The following MCM9 variants were observed in gnomAD, a reference collection of about 807,000 sequenced individuals.
MCM9 encodes minichromosome maintenance 9 homologous recombination repair factor.
MCM9 carries 55 observed loss-of-function variants against 72.8 expected under a neutral mutation model. That is an observed-to-expected ratio of 0.76 (90% CI 0.61 to 0.95). The LOEUF (loss-of-function observed/expected upper bound fraction) is 0.95. Ranked by LOEUF, MCM9 falls within the 40% of genes least tolerant of loss-of-function variation. MCM9 has a pLI of 0.00. For missense variants in MCM9, 1,279 were observed against 1,377.0 expected, an observed-to-expected ratio of 0.93 and a Z score of 1.13; for synonymous variants, 480 against 503.4, an observed-to-expected ratio of 0.95 and a Z score of 0.62.
intron 9 of MCM9, among the ~76,000 whole-genome samples, chr6:118,855,451 C>T (rs767852702): frequency 2.0e-5 from 3 of 152,040 alleles, no homozygotes; most frequent in Admixed American, 6.6e-5. Flanking sequence ...ATTTAGTGAA[C>T]GAACAAATGA....
chr6:118,854,304 G>C (rs1191270222), intron 9 of MCM9, among the ~76,000 whole-genome samples: 26 of 152,126 alleles, frequency 1.7e-4, no homozygotes, highest in Admixed American at 1.7e-3. Flanking sequence ...CTAATCTTAA[G>C]TGGAAAACAC....
intron 8 of MCM9, among the ~76,000 whole-genome samples, chr6:118,901,324 C>T (rs1779786577): frequency 6.6e-6 from 1 of 152,148 alleles, no homozygotes; most frequent in African/African-American, 2.4e-5. Flanking sequence ...GGTGATGTAA[C>T]AAAAACAACT....
chr6:118,861,933 G>A (rs1247226618), intron 8 of MCM9, among the ~76,000 whole-genome samples: 1 of 152,176 alleles, frequency 6.6e-6, no homozygotes, highest in Non-Finnish European at 1.5e-5. Flanking sequence ...TGCCCAGGCT[G>A]TTCAGGATGA....
chr6:118,836,198 C>T (rs1468474585), intron 9 of MCM9, among the ~76,000 whole-genome samples: 2 of 152,160 alleles, frequency 1.3e-5, no homozygotes, highest in Non-Finnish European at 2.9e-5. Context: ...GGGATGAAGC[C>T]AACTTGATCG....
chr6:118,885,439 AC>A (rs1778540905), intron 8 of MCM9, among the ~76,000 whole-genome samples: 1 of 152,152 alleles, frequency 6.6e-6, no homozygotes, highest in Non-Finnish European at 1.5e-5. Flanking sequence ...GGGTGACCAA[AC>A]AAAAAAGAAA....
At chr6:118,895,914 T>C (rs1305807643) in intron 8 of MCM9, among the ~76,000 whole-genome samples, 1 of 152,092 alleles carries the variant, frequency 6.6e-6, no homozygotes, top group Non-Finnish European at 1.5e-5. Flanking sequence ...TATAAAACAA[T>C]ATATATTCAT....
At chr6:118,904,697 C>G (rs990114573) in intron 8 of MCM9, among the ~76,000 whole-genome samples, 2 of 152,258 alleles carry the variant, frequency 1.3e-5, no homozygotes, top group Non-Finnish European at 2.9e-5. Flanking sequence ...CTAAAGCAAT[C>G]CTTACCTTCA....
chr6:118,917,805 G>C, intron 5 of MCM9, 44 bp from the exon 6 acceptor site: 7 of 1,523,418 alleles, frequency 4.6e-6, no homozygotes, highest in Non-Finnish European at 6.4e-6. Flanking sequence ...CATCCTGCAT[G>C]CTGAGCACAG....
At chr6:118,858,633 C>T (rs1776717984) in intron 8 of MCM9, among the ~76,000 whole-genome samples, 1 of 152,064 alleles carries the variant, frequency 6.6e-6, no homozygotes, top group South Asian at 2.1e-4. Flanking sequence ...TAAAAACCAA[C>T]TAGAACTAGT....
chr6:118,911,957 T>C (rs1049708207), intron 7 of MCM9, 188 bp from the exon 8 acceptor site: 5 of 445,092 alleles, frequency 1.1e-5, no homozygotes, highest in Admixed American at 7.9e-5. Flanking sequence ...CAATGTGACA[T>C]AGAATCTAAA....
At chr6:118,850,129 A>G (rs1405035359) in intron 9 of MCM9, among the ~76,000 whole-genome samples, 1 of 151,968 alleles carries the variant, frequency 6.6e-6, no homozygotes, top group African/African-American at 2.4e-5. Flanking sequence ...TCTTAACTGT[A>G]TATCGAATAA....
chr6:118,868,232 A>C (rs1285186876), intron 8 of MCM9, among the ~76,000 whole-genome samples: 1 of 152,204 alleles, frequency 6.6e-6, no homozygotes, highest in Admixed American at 6.5e-5. Context: ...AGCTACAATA[A>C]TTTTTAAGGA....
chr6:118,822,945 G>A (rs757086842), intron 13 of MCM9, among the ~76,000 whole-genome samples: 10 of 152,194 alleles, frequency 6.6e-5, no homozygotes, highest in East Asian at 3.9e-4. Context: ...CCTCAGTAAC[G>A]GGGGACACTC....
At chr6:118,898,679 C>T (rs1313878820) in intron 8 of MCM9, among the ~76,000 whole-genome samples, 1 of 152,134 alleles carries the variant, frequency 6.6e-6, no homozygotes, top group African/African-American at 2.4e-5. Context: ...TAGCCTCCCA[C>T]AATGCTGGGA....
rs752228245 is a variant in MCM9, at chr6:118,917,073, C to G, written c.904+488G>C. On this transcript the variant is annotated intron_variant, in intron 6 of 13. Transcript: ENST00000619706. ...TCTATGTAATTACACCTGAATGTCA[C>G]AGTCAAAATTTTTGCTTGTGATGAC... Among the ~76,000 whole-genome samples, 4 of 152,312 alleles carry G rather than the reference C, an allele frequency of 2.6e-5. No homozygotes were observed. In the Middle Eastern group the frequency reaches 0.014, roughly 518 times the overall value.
intron 3 of MCM9, 63 bp from the exon 4 acceptor site, chr6:118,924,190 ATTC>A (rs1475897559): frequency 7.3e-7 from 1 of 1,367,106 alleles, no homozygotes; most frequent in Non-Finnish European, 1.0e-6. Flanking sequence ...CAAGGGATAT[ATTC>A]TTCTCCTATT....
At chr6:118,886,453 C>A (rs557666325) in intron 8 of MCM9, among the ~76,000 whole-genome samples, 2 of 151,286 alleles carry the variant, frequency 1.3e-5, no homozygotes, top group Non-Finnish European at 2.9e-5. Context: ...CTTGTATACA[C>A]AAAATCCTAA....
intron 8 of MCM9, among the ~76,000 whole-genome samples, chr6:118,900,221 G>C (rs1779715078): frequency 6.6e-6 from 1 of 152,176 alleles, no homozygotes; most frequent in Non-Finnish European, 1.5e-5. Context: ...TTGATGAGCT[G>C]AAGCCACTTA....
chr6:118,917,671 G>A lies in MCM9; in HGVS notation c.794C>T (p.Ala265Val), dbSNP rs1426242558. ...VRCEVEIVLK[A>V]NYIQVNNEQS... is the part of the protein sequence containing the mutation. ...CTCATTATTTACTTGGATGTAATTT[G>A]CTTTCAGGACTATCTCCACTTCACA... Residue 265 changes from alanine to valine, a missense_variant, in exon 6 of 14, where the codon GCA becomes GTA. Physicochemically the swap from Ala to Val is moderately conservative, Grantham distance 64 (BLOSUM62 0). Transcript: ENST00000619706. 1 of 1,614,044 alleles carries A rather than the reference G, an allele frequency of 6.2e-7. No homozygotes were observed. Among genetic ancestry groups the A allele is most frequent in the African/African-American group, 1.3e-5 (1 of 74,994 alleles).
Sources: gnomAD v4.1 joint callset for allele counts (sites outside exome capture counted in the v4.1 genomes callset) on GRCh38, gnomAD v4.1.1 for gene constraint, MANE v1.5 for transcripts, NCBI Gene and HGNC (gene_info 2026-07-23, HGNC 2026-07-21) for gene names.